The following PCGF5 variants were observed in gnomAD, a reference collection of about 807,000 sequenced individuals.
PCGF5 encodes the protein polycomb group ring finger 5.
Under a neutral mutation model 44.3 loss-of-function variants are expected in PCGF5, and 9 were observed. The ratio of observed to expected loss-of-function variants is 0.20; its 90% CI spans 0.12 to 0.35. The LOEUF (loss-of-function observed/expected upper bound fraction) is 0.35. PCGF5 is among the 10% of genes least tolerant of loss of function. The pLI is 1.00. For synonymous variants in PCGF5, 95 were observed against 102.5 expected (o/e 0.93, Z 0.44); for missense variants, 146 against 305.3 (o/e 0.48, Z 3.89).
chr10:91,270,541 G>A (rs1295171615), intron 8 of PCGF5, among the ~76,000 whole-genome samples: 4 of 152,098 alleles, frequency 2.6e-5, no homozygotes, highest in Non-Finnish European at 5.9e-5. Context: ...AGCTGAGCCC[G>A]CCTTACAGCA....
At chr10:91,235,377 T>C (rs1301992153) in intron 2 of PCGF5, among the ~76,000 whole-genome samples, 1 of 152,178 alleles carries the variant, frequency 6.6e-6, no homozygotes, top group African/African-American at 2.4e-5. Flanking sequence ...GGGAATTCAC[T>C]TAGTAAACAT....
At chr10:91,257,823 T>C (rs560279945) in intron 6 of PCGF5, among the ~76,000 whole-genome samples, 1 of 152,090 alleles carries the variant, frequency 6.6e-6, no homozygotes, top group Non-Finnish European at 1.5e-5. Context: ...TATAAAAGAA[T>C]TGAAAACATG....
At chr10:91,161,776 TAA>T (rs1031860356), upstream of PCGF5, among the ~76,000 whole-genome samples, 1 of 152,186 alleles carries the variant, frequency 6.6e-6, no homozygotes, top group African/African-American at 2.4e-5. Flanking sequence ...AGCCTCTTGA[TAA>T]AGACTCCTGA....
chr10:91,268,570 C>G (rs1223397569), intron 8 of PCGF5, among the ~76,000 whole-genome samples: 1 of 152,092 alleles, frequency 6.6e-6, no homozygotes, highest in Admixed American at 6.6e-5. Context: ...TTTCTTTCCT[C>G]CTCATATTGG....
intron 1 of PCGF5, among the ~76,000 whole-genome samples, chr10:91,191,358 A>G (rs1418809150): frequency 6.6e-6 from 1 of 152,230 alleles, no homozygotes; most frequent in Admixed American, 6.5e-5. Flanking sequence ...CACAGACAGC[A>G]TGGGTACACT....
At chr10:91,196,616 C>T (rs990243122) in intron 1 of PCGF5, among the ~76,000 whole-genome samples, 1 of 152,158 alleles carries the variant, frequency 6.6e-6, no homozygotes, top group African/African-American at 2.4e-5. Flanking sequence ...CACCTCTGAC[C>T]CACACTTGCC....
intron 1 of PCGF5, among the ~76,000 whole-genome samples, chr10:91,205,221 A>G (rs986343006): frequency 1.4e-4 from 22 of 152,188 alleles, no homozygotes; most frequent in Admixed American, 7.9e-4. Context: ...CTTGAGCGCA[A>G]TTGTTCCCAA....
At chr10:91,238,610 T>TCTTTCTTTCTTTCTTTC (rs1564645024) in intron 2 of PCGF5, among the ~76,000 whole-genome samples, 2 of 128,736 alleles carry the variant, frequency 1.6e-5, no homozygotes, top group African/African-American at 3.0e-5. Context: ...TCTTTTTTTT[T>TCTTTCTTTCTTTCTTTC]TTTTTTTTTT....
chr10:91,249,689 A>G (rs1439667577), intron 5 of PCGF5, among the ~76,000 whole-genome samples: 8 of 151,772 alleles, frequency 5.3e-5, no homozygotes, highest in Non-Finnish European at 1.0e-4. Flanking sequence ...TATTCGTTCA[A>G]CTTAACTGTG....
intron 9 of PCGF5, among the ~76,000 whole-genome samples, chr10:91,277,785 G>T (rs1846352941): frequency 6.6e-6 from 1 of 151,962 alleles, no homozygotes; most frequent in African/African-American, 2.4e-5. Context: ...TAAGAAATAT[G>T]ATTTGTGAAC....
intron 8 of PCGF5, among the ~76,000 whole-genome samples, chr10:91,268,954 A>G (rs766748999): frequency 1.3e-5 from 2 of 152,170 alleles, no homozygotes; most frequent in African/African-American, 4.8e-5. Context: ...TCAAGTTTCT[A>G]TACTCAAGCT....
rs1310488283 is a variant in PCGF5 at position 91,281,450 on chromosome 10, G to A, written c.*3134G>A. On this transcript the variant is annotated 3_prime_UTR_variant, in exon 10 of 10. Coordinates refer to ENST00000336126, the MANE Select transcript of PCGF5 (RefSeq NM_032373.5). ...TTTACTGAAATATTTAAGAGAAAGT[G>A]CCTCATTACTAAAGTGCATTTCTGT... 2 of 152,528 alleles carry A rather than the reference G, an allele frequency of 1.3e-5. No homozygotes were observed. 9.4% of individuals were successfully genotyped at this position (152,528 alleles called of 1,614,324 possible). A position where few individuals can be genotyped will look rare whatever the true frequency, so the allele number is the denominator to read the frequency against.
intron 6 of PCGF5, among the ~76,000 whole-genome samples, chr10:91,257,600 C>T (rs1023969290): frequency 6.6e-6 from 1 of 152,044 alleles, no homozygotes; most frequent in Non-Finnish European, 1.5e-5. Flanking sequence ...GCCTATACAG[C>T]ATGAATATGC....
chr10:91,249,369 GTGTATATATATA>G, intron 5 of PCGF5, among the ~76,000 whole-genome samples: 1 of 103,498 alleles, frequency 9.7e-6, no homozygotes, highest in South Asian at 3.5e-4. Flanking sequence ...AAGGCTTTTA[GTGTATATATATA>G]TATATATATA....
At chr10:91,264,584 T>TA in intron 8 of PCGF5, 64 bp downstream of exon 8, 1 of 1,267,768 alleles carries the variant, frequency 7.9e-7, no homozygotes, top group East Asian at 2.4e-5. Flanking sequence ...TACTCAAATT[T>TA]AACAATATTA....
chr10:91,212,518 C>CT (rs1217526499), intron 1 of PCGF5, among the ~76,000 whole-genome samples: 2 of 151,910 alleles, frequency 1.3e-5, no homozygotes, highest in African/African-American at 2.4e-5. Context: ...GTTTGGTTTG[C>CT]TTTTTTTTCT....
At chr10:91,245,217 G>C (rs1845428705) in intron 3 of PCGF5, among the ~76,000 whole-genome samples, 1 of 152,144 alleles carries the variant, frequency 6.6e-6, no homozygotes, top group Non-Finnish European at 1.5e-5. Context: ...GTCAAGTGAA[G>C]ATAGTATGTA....
At chr10:91,218,721 C>G (rs535218069), upstream of PCGF5, among the ~76,000 whole-genome samples, 1 of 152,078 alleles carries the variant, frequency 6.6e-6, no homozygotes, top group South Asian at 2.1e-4. Context: ...CAACTTCCAC[C>G]TCCTAGGTTC....
chr10:91,169,884 A>G (rs942892027), intron 1 of PCGF5, among the ~76,000 whole-genome samples: 4 of 152,234 alleles, frequency 2.6e-5, no homozygotes, highest in Admixed American at 2.0e-4. Context: ...CTATAAACCT[A>G]TAGTAATCAA....
Sources: allele counts gnomAD v4.1 joint callset (sites outside exome capture counted in the v4.1 genomes callset), GRCh38; gene constraint gnomAD v4.1.1; transcripts MANE v1.5; gene names NCBI Gene and HGNC (gene_info 2026-07-23, HGNC 2026-07-21).